CSMD1: variants seen among roughly 807,000 people sequenced by gnomAD.
The protein encoded by CSMD1 is CUB and sushi domain-containing protein 1.
In CSMD1, 213 loss-of-function variants were observed where a neutral mutation model predicts 417.5. The observed-to-expected ratio is 0.51, with a 90% CI of 0.46 to 0.57. The LOEUF is 0.57. CSMD1 is among the 20% of genes least tolerant of loss of function. CSMD1 has a pLI of 0.00. For synonymous variants in CSMD1, 2,862 were observed against 1,736.8 expected, an observed-to-expected ratio of 1.65 and a Z score of -16.11; for missense variants, 6,923 against 4,529.7, an observed-to-expected ratio of 1.53 and a Z score of -15.17.
At chr8:4,484,526 T>C (rs1341030827) in intron 2 of CSMD1, among the ~76,000 whole-genome samples, 1 of 152,020 alleles carries the variant, frequency 6.6e-6, no homozygotes, top group Admixed American at 6.6e-5. Flanking sequence ...TAAGTCCATC[T>C]CACAACACCC....
At chr8:3,704,247 G>C (rs1446903602) in intron 7 of CSMD1, among the ~76,000 whole-genome samples, 2 of 152,096 alleles carry the variant, frequency 1.3e-5, no homozygotes, top group Non-Finnish European at 2.9e-5. Flanking sequence ...GGAAAAGTCA[G>C]TCTGCACCTG....
intron 3 of CSMD1, among the ~76,000 whole-genome samples, chr8:4,261,688 G>T (rs922411502): frequency 6.6e-6 from 1 of 152,078 alleles, no homozygotes; most frequent in African/African-American, 2.4e-5. Context: ...GGGACTACAG[G>T]CATGAGTCAC....
intron 1 of CSMD1, among the ~76,000 whole-genome samples, chr8:4,993,463 C>G (rs1811587636): frequency 1.4e-5 from 2 of 144,854 alleles, no homozygotes; most frequent in Non-Finnish European, 3.1e-5. Context: ...AACAAGTACA[C>G]AAGCTATTGC....
At chr8:3,879,817 G>A (rs527838786) in intron 5 of CSMD1, among the ~76,000 whole-genome samples, 1 of 141,532 alleles carries the variant, frequency 7.1e-6, no homozygotes, top group East Asian at 1.9e-4. Context: ...TGTATAGAGT[G>A]TGTACCGGTG....
intron 5 of CSMD1, among the ~76,000 whole-genome samples, chr8:3,974,346 A>G (rs950874330): frequency 1.3e-5 from 2 of 151,984 alleles, no homozygotes; most frequent in East Asian, 3.9e-4. Flanking sequence ...TGAGTAGTTG[A>G]AAGAAATGGA....
At chr8:3,087,599 T>C (rs537409999) in intron 48 of CSMD1, among the ~76,000 whole-genome samples, 1 of 152,328 alleles carries the variant, frequency 6.6e-6, no homozygotes, top group Admixed American at 6.5e-5. Flanking sequence ...AGAATTGTCT[T>C]GGGCCACACA....
chr8:3,010,536 G>A (rs1033770806), intron 52 of CSMD1, among the ~76,000 whole-genome samples: 7 of 152,052 alleles, frequency 4.6e-5, no homozygotes, highest in South Asian at 4.2e-4. Flanking sequence ...TCCTTGGGCC[G>A]CACTCCGCAT....
At chr8:4,879,471 T>C (rs1803261690) in intron 1 of CSMD1, among the ~76,000 whole-genome samples, 1 of 152,136 alleles carries the variant, frequency 6.6e-6, no homozygotes, top group Non-Finnish European at 1.5e-5. Flanking sequence ...GGAGCTACTT[T>C]GAAATAGCAA....
intron 1 of CSMD1, among the ~76,000 whole-genome samples, chr8:4,718,072 G>C (rs1282466036): frequency 6.6e-6 from 1 of 152,082 alleles, no homozygotes; most frequent in Non-Finnish European, 1.5e-5. Context: ...CTACCTCCCT[G>C]GATCAGGAGA....
At chr8:3,530,693 G>A (rs1417042014) in intron 10 of CSMD1, among the ~76,000 whole-genome samples, 1 of 151,808 alleles carries the variant, frequency 6.6e-6, no homozygotes, top group Non-Finnish European at 1.5e-5. Context: ...ACCACAGCCA[G>A]CTAATTTTTG....
At chr8:4,326,273 C>A (rs17069926) in intron 3 of CSMD1, among the ~76,000 whole-genome samples, 2 of 152,068 alleles carry the variant, frequency 1.3e-5, no homozygotes. Context: ...TCTTCACATA[C>A]GGTGGGAGAC....
chr8:3,154,848 C>G (rs888367883), intron 39 of CSMD1, among the ~76,000 whole-genome samples: 1 of 152,140 alleles, frequency 6.6e-6, no homozygotes, highest in African/African-American at 2.4e-5. Context: ...TTTCCAGGAG[C>G]TCTTAAGTAA....
At chr8:4,962,655 G>A (rs7011965) in intron 1 of CSMD1, among the ~76,000 whole-genome samples, 36,907 of 152,064 alleles carry the variant, frequency 0.24, 5,927 homozygotes, top group African/African-American at 0.44. Context: ...AATTTATTCA[G>A]TGAAGAATAC....
chr8:4,234,752 G>C lies in CSMD1; in HGVS notation c.415+185201C>G, dbSNP rs186393129. Among the ~76,000 whole-genome samples the C allele has an allele frequency of 7.2e-5, 11 of 152,250 alleles. No homozygotes were observed. In the East Asian group the frequency reaches 1.9e-3, roughly 27 times the overall value. On this transcript the variant is annotated intron_variant, in intron 3 of 69. Coordinates refer to ENST00000635120, the MANE Select transcript of CSMD1 (RefSeq NM_033225.6). The stretch of plus-strand genomic sequence containing the variant: ...GCCGCTGAAAACTGGAGTCGTGGCT[G>C]CTCCCAGAACAAAAGATCTGGGCTA...
chr8:4,792,344 G>A (rs943674052), intron 1 of CSMD1, among the ~76,000 whole-genome samples: 5 of 152,156 alleles, frequency 3.3e-5, no homozygotes, highest in Admixed American at 6.5e-5. Context: ...GTAGCAAGAA[G>A]GAATTTGCTT....
At chr8:3,207,267 C>T (rs1257384167) in intron 30 of CSMD1, among the ~76,000 whole-genome samples, 9 of 150,842 alleles carry the variant, frequency 6.0e-5, no homozygotes, top group East Asian at 3.9e-4. Context: ...TTGCCTCAGC[C>T]TCCCGAGTAG....
intron 6 of CSMD1, among the ~76,000 whole-genome samples, chr8:3,743,775 A>G (rs1037295141): frequency 4.6e-5 from 7 of 152,186 alleles, no homozygotes; most frequent in Admixed American, 4.6e-4. Context: ...ATGTAAATTG[A>G]TAAGTTTATC....
At chr8:3,686,286 G>C (rs1563272240) in intron 7 of CSMD1, among the ~76,000 whole-genome samples, 1 of 152,162 alleles carries the variant, frequency 6.6e-6, no homozygotes, top group Non-Finnish European at 1.5e-5. Context: ...GCAGTGTCAA[G>C]AGACGTGTCA....
In CSMD1 at chr8:3,934,652, G is replaced by A. The variant is rs150984355; in HGVS notation, c.818+63251C>T. Among the ~76,000 whole-genome samples, 837 of 152,064 alleles carry A rather than the reference G, an allele frequency of 5.5e-3. 10 individuals carry two copies. The highest frequency in any genetic ancestry group is 0.02 in the African/African-American group (811 of 41,468). On this transcript the variant is annotated intron_variant, in intron 5 of 69. Transcript: ENST00000635120. ...GTAGATCACCTCAGGTCAGGAGTTC[G>A]AGACCAGCCTGGCCAACATGATGAA... is the stretch of plus-strand genomic sequence containing the variant.
Sources: gnomAD v4.1 joint callset for allele counts (sites outside exome capture counted in the v4.1 genomes callset) on GRCh38, gnomAD v4.1.1 for gene constraint, MANE v1.5 for transcripts, NCBI Gene and HGNC (gene_info 2026-07-23, HGNC 2026-07-21) for gene names.